SYT12: variants seen among roughly 807,000 people sequenced by gnomAD.
The protein encoded by SYT12 is synaptotagmin-12.
SYT12 carries 27 observed loss-of-function variants against 39.5 expected under a neutral mutation model. That is an observed-to-expected ratio of 0.68 (90% CI 0.50 to 0.94). The LOEUF (loss-of-function observed/expected upper bound fraction) is 0.94. Among genes scored for constraint, SYT12 ranks in the 40% least tolerant of loss-of-function variants. SYT12 has a pLI of 0.00. For synonymous variants in SYT12, 233 were observed against 239.7 expected (o/e 0.97, Z 0.26); for missense variants, 536 against 572.6 (o/e 0.94, Z 0.65).
chr11:67,040,606 G>T (rs1236476017), intron 4 of SYT12, among the ~76,000 whole-genome samples: 1 of 151,288 alleles, frequency 6.6e-6, no homozygotes, highest in Non-Finnish European at 1.5e-5. Flanking sequence ...TTGGGAGGCC[G>T]AGGCGGGCAG....
chr11:67,013,801 T>C (rs1950032681), intron 3 of SYT12, among the ~76,000 whole-genome samples: 1 of 152,236 alleles, frequency 6.6e-6, no homozygotes, highest in African/African-American at 2.4e-5. Flanking sequence ...CATGACACAT[T>C]ACTGCAAATT....
Position 67,039,895 on chromosome 11 carries a change from G to A in SYT12, c.313G>A (p.Glu105Lys). The change falls in exon 4 of 8, where the codon GAG becomes AAG. Residue 105 changes from glutamate to lysine, a missense_variant. Glu to Lys is a moderately conservative substitution (Grantham distance 56). Transcript: ENST00000527043. Reference sequence around the variant, plus strand: ...CAGTCTCAGCATTGAGGACACCTTTGAGAGCATCAGTGAACTGGGGCCTCT... The same window carrying A: ...CAGTCTCAGCATTGAGGACACCTTTAAGAGCATCAGTGAACTGGGGCCTCT... ...KGSLSIEDTF[E>K]SISELGPLEL... The A allele has an allele frequency of 6.2e-7, 1 of 1,613,746 alleles. No individual in the cohort carries two copies. Among genetic ancestry groups the A allele is most frequent in the Non-Finnish European group, 8.5e-7 (1 of 1,180,042 alleles).
At chr11:67,032,913 AAAAAAAAAAG>A in intron 2 of SYT12, 1 of 155,100 alleles carries the variant, frequency 6.4e-6, no homozygotes, top group East Asian at 1.9e-4. Flanking sequence ...CTCAAAAAAA[AAAAAAAAAAG>A]AAAAAGAAAG....
intron 3 of SYT12, among the ~76,000 whole-genome samples, chr11:67,012,137 G>A (rs1340132042): frequency 6.6e-6 from 1 of 151,110 alleles, no homozygotes; most frequent in Admixed American, 6.6e-5. Flanking sequence ...TTGGGAGGCC[G>A]AGGCGGGCGG....
chr11:67,038,407 C>T (rs1249450088), intron 3 of SYT12, among the ~76,000 whole-genome samples: 3 of 151,654 alleles, frequency 2.0e-5, no homozygotes, highest in South Asian at 2.1e-4. Flanking sequence ...TCAGGCGATC[C>T]GCCACCTCAG....
rs1854534571 is a variant in SYT12, at chr11:67,045,960, G to A, written c.1092+83G>A. On this transcript the variant is annotated intron_variant, in intron 7 of 7. Coordinates refer to ENST00000527043, the MANE Select transcript of SYT12 (RefSeq NM_177963.4). Reference sequence around the variant, plus strand: ...GCATCTCTCCACCTTCTCTTCTCAGGGCCCCTGCAGGGGTAGTGGTTTGCC... The same window carrying A: ...GCATCTCTCCACCTTCTCTTCTCAGAGCCCCTGCAGGGGTAGTGGTTTGCC... 6.4e-6 allele frequency: 10 copies of A among 1,558,546 alleles called. No individual in the cohort carries two copies. In the Admixed American group the frequency reaches 9.2e-5, roughly 14 times the overall value.
exon 1 of SYT12, chr11:67,006,911 C>T (rs1042046029): frequency 6.6e-6 from 1 of 152,242 alleles, no homozygotes; most frequent in Non-Finnish European, 1.5e-5. Context: ...AGCGCTGCTG[C>T]CTTGAGGTGC....
At chr11:67,045,292 G>C (rs905319259) in intron 6 of SYT12, among the ~76,000 whole-genome samples, 5 of 151,476 alleles carry the variant, frequency 3.3e-5, no homozygotes, top group African/African-American at 7.3e-5. Flanking sequence ...GGGGGTAGGT[G>C]GGGGGGGCAG....
intron 3 of SYT12, among the ~76,000 whole-genome samples, chr11:67,012,058 C>G (rs961684194): frequency 6.7e-6 from 1 of 150,062 alleles, no homozygotes; most frequent in Admixed American, 6.6e-5. Flanking sequence ...CCACTGCGCC[C>G]GGGCCAGGTC....
At chr11:67,009,130 C>T (rs918596577) in intron 1 of SYT12, among the ~76,000 whole-genome samples, 13 of 152,192 alleles carry the variant, frequency 8.5e-5, no homozygotes, top group African/African-American at 2.6e-4. Context: ...CTCAGCCTCC[C>T]GAGTAGCTGA....
chr11:67,039,659 A>G, intron 3 of SYT12, 152 bp from the exon 4 acceptor site: 1 of 955,748 alleles, frequency 1.0e-6, no homozygotes, highest in Middle Eastern at 3.4e-4. Context: ...AATATTAAAC[A>G]GCGACCTTCC....
intron 1 of SYT12, among the ~76,000 whole-genome samples, chr11:67,025,095 A>T (rs1469925419): frequency 6.6e-6 from 1 of 152,112 alleles, no homozygotes; most frequent in African/African-American, 2.4e-5. Flanking sequence ...CCAGGCCCAG[A>T]TCCATTGCAC....
At chr11:67,035,809 C>T (rs1477702105) in intron 3 of SYT12, among the ~76,000 whole-genome samples, 9 of 67,078 alleles carry the variant, frequency 1.3e-4, no homozygotes, top group African/African-American at 6.6e-4. Flanking sequence ...TTCCTTCCTT[C>T]CTTCCTTCCT....
At chr11:67,039,145 A>C (rs1591371588) in intron 3 of SYT12, among the ~76,000 whole-genome samples, 1 of 150,460 alleles carries the variant, frequency 6.6e-6, no homozygotes, top group East Asian at 2.0e-4. Flanking sequence ...CTCTACTAAA[A>C]ATACAAAATT....
At chr11:67,018,196 G>A (rs187840807), upstream of SYT12, among the ~76,000 whole-genome samples, 534 of 152,132 alleles carry the variant, frequency 3.5e-3, 1 homozygote, top group Non-Finnish European at 6.0e-3. Context: ...TTGGGAGGCA[G>A]AGGTTGCAGT....
rs1157424282 is a variant in SYT12, at chr11:67,035,837, C to CCTTTCTTT, written c.228+1037_228+1044dup. Among the ~76,000 whole-genome samples the CCTTTCTTT allele has an allele frequency of 4.0e-4, 44 of 111,140 alleles. 1 individual carries two copies. Among genetic ancestry groups the CCTTTCTTT allele is most frequent in the East Asian group, 2.5e-3 (9 of 3,570 alleles). The allele number at this position is 111,140 out of a possible 152,430, so 72.9% of individuals were successfully genotyped here. Reference sequence around the variant, plus strand: ...TCCTTCCTTCCTTCCTTCCTTCCTTCCTTTCTTTCTTTCTTTCTTTCTTTC... The same window carrying CCTTTCTTT: ...TCCTTCCTTCCTTCCTTCCTTCCTTCCTTTCTTTCTTTCTTTCTTTCTTTCTTTCTTTC... On this transcript the variant is annotated intron_variant, in intron 3 of 7. Coordinates refer to ENST00000527043, the MANE Select transcript of SYT12 (RefSeq NM_177963.4).
intron 1 of SYT12, among the ~76,000 whole-genome samples, chr11:67,008,256 G>A (rs530333707): frequency 6.6e-6 from 1 of 152,088 alleles, no homozygotes; most frequent in Non-Finnish European, 1.5e-5. Flanking sequence ...ACCCGGCCAG[G>A]AAGCCCTTCT....
chr11:67,011,363 C>T (rs1206138109), intron 3 of SYT12, among the ~76,000 whole-genome samples: 2 of 152,190 alleles, frequency 1.3e-5, no homozygotes, highest in African/African-American at 4.8e-5. Flanking sequence ...CTACCTCAGC[C>T]TCTTGAGCAG....
At chr11:67,042,820 C>T (rs922192782) in intron 4 of SYT12, among the ~76,000 whole-genome samples, 7 of 152,104 alleles carry the variant, frequency 4.6e-5, no homozygotes, top group Middle Eastern at 3.4e-3. Context: ...GAGCACTGTG[C>T]GAGGAGCCTT....
Sources: gnomAD v4.1 joint callset for allele counts (sites outside exome capture counted in the v4.1 genomes callset) on GRCh38, gnomAD v4.1.1 for gene constraint, MANE v1.5 for transcripts, NCBI Gene and HGNC (gene_info 2026-07-23, HGNC 2026-07-21) for gene names.